GALR1: variants seen among roughly 807,000 people sequenced by gnomAD.
GALR1 encodes galanin receptor 1, also known as galanin receptor type 1.
GALR1 carries 11 observed loss-of-function variants against 17.9 expected under a neutral mutation model. The ratio of observed to expected loss-of-function variants is 0.62; its 90% CI spans 0.39 to 1.02. GALR1 has a LOEUF of 1.02. Ranked by LOEUF, GALR1 falls within the 50% of genes least tolerant of loss-of-function variation. GALR1 has a pLI of 0.01. For missense variants in GALR1, 441 were observed against 456.9 expected (o/e 0.97, Z 0.32); for synonymous variants, 206 against 205.7 (o/e 1.00, Z -0.01).
rs1599351672 is a variant in GALR1, at chr18:77,250,419, G to C, written c.-130G>C. On this transcript the variant is annotated 5_prime_UTR_variant, in exon 1 of 3. Coordinates refer to ENST00000299727, the MANE Select transcript of GALR1 (RefSeq NM_001480.4). ...CCCCGCTCCCGCTGGCTCGCGCCTCGGGGGAAGCTCAGACTCCTAAACTCG... is the reference window on the plus strand; with the variant it reads ...CCCCGCTCCCGCTGGCTCGCGCCTCCGGGGAAGCTCAGACTCCTAAACTCG... The C allele has an allele frequency of 1.0e-6, 1 of 997,828 alleles. No individual in the cohort carries two copies. Among genetic ancestry groups the C allele is most frequent in the Non-Finnish European group, 1.4e-6 (1 of 736,780 alleles). 61.8% of individuals were successfully genotyped at this position (997,828 alleles called of 1,614,324 possible). A position where few individuals can be genotyped will look rare whatever the true frequency, so the allele number is the denominator to read the frequency against.
chr18:77,263,293 T>C (rs374376471), intron 2 of GALR1, among the ~76,000 whole-genome samples: 1 of 152,240 alleles, frequency 6.6e-6, no homozygotes, highest in African/African-American at 2.4e-5. Flanking sequence ...GTGAGCACAT[T>C]ATCTGCTTGC....
rs920491908 is a variant in GALR1 at position 77,269,988 on chromosome 18, T to C, written c.*1086T>C. On this transcript the variant is annotated 3_prime_UTR_variant, in exon 3 of 3. Transcript: ENST00000299727. ...AATTTGTAATGATGTTTAATGAACA[T>C]TTCCACCAAACATTATTTCCTCTAA... The C allele has an allele frequency of 6.6e-6, 1 of 152,232 alleles. No individual in the cohort carries two copies. Among genetic ancestry groups the C allele is most frequent in the Non-Finnish European group, 1.5e-5 (1 of 68,042 alleles). The allele number at this position is 152,232 out of a possible 1,614,324, so 9.4% of individuals were successfully genotyped here. A position where few individuals can be genotyped will look rare whatever the true frequency, so the allele number is the denominator to read the frequency against.
chr18:77,256,519 T>C (rs1912594909), intron 2 of GALR1, among the ~76,000 whole-genome samples: 2 of 105,952 alleles, frequency 1.9e-5, no homozygotes, highest in Admixed American at 9.4e-5. Context: ...TTAGGTTGAC[T>C]GAGACAGAGT....
intron 2 of GALR1, among the ~76,000 whole-genome samples, chr18:77,259,428 C>CATGGTGGTG (rs1448130627): frequency 8.8e-6 from 1 of 114,206 alleles, no homozygotes; most frequent in East Asian, 2.8e-4. Context: ...TGATGATGGT[C>CATGGTGGTG]ATGGTGGTGA....
chr18:77,259,287 G>A lies in GALR1; in HGVS notation c.732+3064G>A, dbSNP rs200409997. 8.2e-4 allele frequency among the ~76,000 whole-genome samples: 55 copies of A among 67,302 alleles called. 1 individual carries two copies. Among genetic ancestry groups the A allele is most frequent in the Admixed American group, 4.2e-3 (23 of 5,518 alleles). The allele number at this position is 67,302 out of a possible 152,430, so 44.2% of individuals were successfully genotyped here. Reference sequence around the variant, plus strand: ...GGTGTTGGTGTTGGTGGTGGTCATGGTGGTCATGGTGGTGATGATGGTGGT... The same window carrying A: ...GGTGTTGGTGTTGGTGGTGGTCATGATGGTCATGGTGGTGATGATGGTGGT... On this transcript the variant is annotated intron_variant, in intron 2 of 2. Coordinates refer to ENST00000299727, the MANE Select transcript of GALR1 (RefSeq NM_001480.4).
intron 2 of GALR1, among the ~76,000 whole-genome samples, chr18:77,262,055 T>C (rs1483903406): frequency 6.6e-6 from 1 of 152,150 alleles, no homozygotes; most frequent in Non-Finnish European, 1.5e-5. Context: ...CTAGAATGCC[T>C]GACCTCAAGC....
Position 77,251,100 on chromosome 18 carries a change from G to A in GALR1, c.552G>A (p.Gln184=), listed in dbSNP as rs1325153278. Residue 184 remains glutamine (Q), a synonymous_variant, in exon 1 of 3, where the codon CAG becomes CAA. Transcript: ENST00000299727. The part of the protein sequence containing the change: ...QGLFHPRASN[Q]TFCWEQWPDP... ...TCTTCCACCCGCGCGCCAGCAACCAGACCTTCTGCTGGGAGCAGTGGCCCG... is the reference window on the plus strand; with the variant it reads ...TCTTCCACCCGCGCGCCAGCAACCAAACCTTCTGCTGGGAGCAGTGGCCCG... 1 of 1,612,266 alleles carries A rather than the reference G, an allele frequency of 6.2e-7. No individual in the cohort carries two copies. Among genetic ancestry groups the A allele is most frequent in the Non-Finnish European group, 8.5e-7 (1 of 1,179,934 alleles).
In GALR1 at chr18:77,272,137, G is replaced by A. The variant is rs890198684; in HGVS notation, c.*3235G>A. On this transcript the variant is annotated 3_prime_UTR_variant, in exon 3 of 3. Transcript: ENST00000299727. ...CTCACTTCTATCCAGATTTCCTCTC[G>A]ATAATATTTACCACAGATAAATTCA... 1 of 151,928 alleles carries A rather than the reference G, an allele frequency of 6.6e-6. No homozygotes were observed. Among genetic ancestry groups the A allele is most frequent in the African/African-American group, 2.4e-5 (1 of 41,336 alleles). The allele number at this position is 151,928 out of a possible 1,614,324, so 9.4% of individuals were successfully genotyped here. A position where few individuals can be genotyped will look rare whatever the true frequency, so the allele number is the denominator to read the frequency against.
At chr18:77,260,998 AG>A (rs1206603897) in intron 2 of GALR1, among the ~76,000 whole-genome samples, 49 of 22,742 alleles carry the variant, frequency 2.2e-3, no homozygotes, top group Admixed American at 2.8e-3. Flanking sequence ...ACAATTTGTG[AG>A]GTTTTTTTTT....
intron 2 of GALR1, among the ~76,000 whole-genome samples, chr18:77,258,968 G>A (rs1208771284): frequency 7.4e-6 from 1 of 135,874 alleles, no homozygotes; most frequent in African/African-American, 2.8e-5. Flanking sequence ...TCATGGTGGC[G>A]ATTGTGGTGA....
intron 2 of GALR1, among the ~76,000 whole-genome samples, chr18:77,256,523 A>ACAGAGGAGTGCAGAGTGCAGAGTG (rs1912595232): frequency 6.6e-6 from 1 of 150,820 alleles, no homozygotes; most frequent in East Asian, 1.9e-4. Context: ...GTTGACTGAG[A>ACAGAGGAGTGCAGAGTGCAGAGTG]CAGAGTGCAG....
rs1912475884 is a variant in GALR1, at chr18:77,252,923, TCAC to T, written c.666+1733_666+1735del. On this transcript the variant is annotated intron_variant, in intron 1 of 2. Transcript: ENST00000299727. Reference sequence around the variant, plus strand: ...ACCACCACCACCACCACCACCACCATCACCACCACCACCACCACCACCACCATC... The same window carrying T: ...ACCACCACCACCACCACCACCACCATCACCACCACCACCACCACCACCATC... Among the ~76,000 whole-genome samples the T allele has an allele frequency of 5.1e-3, 434 of 84,576 alleles. 22 individuals carry two copies. Among genetic ancestry groups the T allele is most frequent in the South Asian group, 0.013 (27 of 2,068 alleles). 55.5% of individuals were successfully genotyped at this position (84,576 alleles called of 152,430 possible).
In GALR1 at chr18:77,275,438, C is replaced by T. The variant is rs1438204433; in HGVS notation, c.*6536C>T. The T allele has an allele frequency of 6.6e-6, 1 of 152,200 alleles. No homozygotes were observed. The highest frequency in any genetic ancestry group is 1.5e-5 in the Non-Finnish European group (1 of 68,072). The allele number at this position is 152,200 out of a possible 1,614,324, so 9.4% of individuals were successfully genotyped here. On this transcript the variant is annotated 3_prime_UTR_variant, in exon 3 of 3. Coordinates refer to ENST00000299727, the MANE Select transcript of GALR1 (RefSeq NM_001480.4). ...CAGGTGAATGGAGTTTCTGTCATTCCTGGTCTAGAGTTCATGTGTGAAGGT... is the reference window on the plus strand; with the variant it reads ...CAGGTGAATGGAGTTTCTGTCATTCTTGGTCTAGAGTTCATGTGTGAAGGT...
At chr18:77,253,057 A>ACCACCATCACCACC (rs1912507518) in intron 1 of GALR1, among the ~76,000 whole-genome samples, 1 of 142,240 alleles carries the variant, frequency 7.0e-6, no homozygotes, top group Admixed American at 7.1e-5. Flanking sequence ...CACCACCACC[A>ACCACCATCACCACC]ATATAGTAGC....
rs1912383078 is a variant in GALR1 at position 77,250,682 on chromosome 18, C to G, written c.134C>G (p.Ala45Gly). 1.2e-6 allele frequency: 2 copies of G among 1,612,904 alleles called. No individual in the cohort carries two copies. The highest frequency in any genetic ancestry group is 1.6e-4 in the Middle Eastern group (1 of 6,080). ...CTGGTGGTGTTCGGCCTGATCTTCGCGCTGGGTGTGCTGGGCAACAGCCTA... is the reference window on the plus strand; with the variant it reads ...CTGGTGGTGTTCGGCCTGATCTTCGGGCTGGGTGTGCTGGGCAACAGCCTA... ...VTLVVFGLIF[A>G]LGVLGNSLVI... The change falls in exon 1 of 3, where the codon GCG becomes GGG. Residue 45 changes from alanine to glycine, a missense_variant. Ala to Gly is a moderately conservative substitution (Grantham distance 60, BLOSUM62 0). Coordinates refer to ENST00000299727, the MANE Select transcript of GALR1 (RefSeq NM_001480.4).
At position 77,268,676 on chromosome 18, in the gene GALR1, T is replaced by C. The variant is rs951157029; in HGVS notation, c.824T>C (p.Phe275Ser). The C allele has an allele frequency of 1.2e-6, 2 of 1,614,156 alleles. No homozygotes were observed. Among genetic ancestry groups the C allele is most frequent in the African/African-American group, 1.3e-5 (1 of 75,026 alleles). ...CATCTCTGGGCTGAGTTTGGAGTTT[T>C]CCCGCTGACGCCGGCTTCCTTCCTC... ...IIHLWAEFGV[F>S]PLTPASFLFR... The change falls in exon 3 of 3, where the codon TTC (phenylalanine) becomes TCC (serine). Residue 275 changes from phenylalanine (F) to serine (S), a missense_variant. Transcript: ENST00000299727.
At chr18:77,267,491 T>C (rs994216357) in intron 2 of GALR1, among the ~76,000 whole-genome samples, 1 of 152,234 alleles carries the variant, frequency 6.6e-6, no homozygotes, top group Non-Finnish European at 1.5e-5. Flanking sequence ...AAATAATGCA[T>C]GTGGTCCCAT....
chr18:77,252,980 T>TCAC lies in GALR1; in HGVS notation c.666+1772_666+1774dup, dbSNP rs1912494442. ...ACCATCACCACCACCATCACCACCA[T>TCAC]CACCACCATCACCACCACCACCACC... On this transcript the variant is annotated intron_variant, in intron 1 of 2. Transcript: ENST00000299727. Among the ~76,000 whole-genome samples, 39 of 23,012 alleles carry TCAC rather than the reference T, an allele frequency of 1.7e-3. 1 individual carries two copies. Among genetic ancestry groups the TCAC allele is most frequent in the East Asian group, 0.014 (10 of 718 alleles). The allele number at this position is 23,012 out of a possible 152,430, so 15.1% of individuals were successfully genotyped here.
rs538593089 is a variant in GALR1, at chr18:77,264,493, G to A, written c.733-4092G>A. ...TTTAGAAAACAGACTGGTGGCCACA[G>A]GTAAACCCTTCATCACATCTGTATG... is the stretch of plus-strand genomic sequence containing the variant. On this transcript the variant is annotated intron_variant, in intron 2 of 2. Coordinates refer to ENST00000299727, the MANE Select transcript of GALR1 (RefSeq NM_001480.4). Among the ~76,000 whole-genome samples, 7 of 152,264 alleles carry A rather than the reference G, an allele frequency of 4.6e-5. No homozygotes were observed. The South Asian group carries it at 1.2e-3, about 27-fold the overall frequency.
Sources: allele counts gnomAD v4.1 joint callset (sites outside exome capture counted in the v4.1 genomes callset), GRCh38; gene constraint gnomAD v4.1.1; transcripts MANE v1.5; gene names NCBI Gene and HGNC (gene_info 2026-07-23, HGNC 2026-07-21).